Variants in ZNF232 observed in about 807,000 individuals in gnomAD.
ZNF232 encodes the protein zinc finger protein 232.
In ZNF232, 25 loss-of-function variants were observed where a neutral mutation model predicts 25.2. That is an observed-to-expected ratio of 0.99 (90% CI 0.72 to 1.39). The LOEUF (loss-of-function observed/expected upper bound fraction) is 1.39. Among genes scored for constraint, ZNF232 ranks in the 40% most tolerant of loss-of-function variants. The probability of loss-of-function intolerance (pLI) is 0.00; values close to 1 mark genes in which losing one functional copy is unlikely to be tolerated. For synonymous variants in ZNF232, 193 were observed against 182.9 expected (o/e 1.06, Z -0.45); for missense variants, 519 against 520.9 (o/e 1.00, Z 0.04).
At chr17:5,111,920 C>A, upstream of ZNF232, 1 of 1,517,520 alleles carries the variant, frequency 6.6e-7, no homozygotes, top group Non-Finnish European at 8.9e-7. Flanking sequence ...TCCCAGAATC[C>A]TCCTCGCCGC....
At chr17:5,117,515 C>CA (rs59282298) in intron 1 of ZNF232, among the ~76,000 whole-genome samples, 5,085 of 61,554 alleles carry the variant, frequency 0.083, 172 homozygotes, top group African/African-American at 0.15. Flanking sequence ...GACTCCGTCT[C>CA]AAAAAAAAAA....
At chr17:5,106,142 A>C in exon 4 of ZNF232, 1 of 1,614,158 alleles carries the variant, frequency 6.2e-7, no homozygotes, top group Non-Finnish European at 8.5e-7. Flanking sequence ...TCTGTTTGAA[A>C]GTTTTCCCAC....
At chr17:5,109,673 G>A in exon 2 of ZNF232, 4 of 1,614,156 alleles carry the variant, frequency 2.5e-6, no homozygotes, top group Non-Finnish European at 3.4e-6. Context: ...TCTCTTGACT[G>A]GTAGAGTGGT....
At chr17:5,116,314 G>C (rs914519218), upstream of ZNF232, 2 of 153,914 alleles carry the variant, frequency 1.3e-5, no homozygotes, top group South Asian at 4.1e-4. Flanking sequence ...CCCCGCTCCC[G>C]GCGGCCCGCC....
intron 2 of ZNF232, 64 bp downstream of exon 2, chr17:5,109,330 C>T (rs778678510): frequency 6.3e-7 from 1 of 1,587,358 alleles, no homozygotes; most frequent in Non-Finnish European, 8.6e-7. Context: ...CCTACAGCTG[C>T]CCCTCGGTCC....
chr17:5,112,170 G>A, upstream of ZNF232: 1 of 391,006 alleles, frequency 2.6e-6, no homozygotes, highest in Non-Finnish European at 4.6e-6. Context: ...AATTGTACCT[G>A]AAGGGCGGTG....
Position 5,106,075 on chromosome 17 carries a change from TA to T in ZNF232, c.1056del (p.Cys352Ter). On this transcript the variant is annotated frameshift_variant, in exon 4 of 4. Coordinates refer to ENST00000575898, the Ensembl canonical transcript of ZNF232. LOFTEE classifies it low-confidence loss of function (END_TRUNC). ...CATCTGAAGGCCTTCCCACATTCAT[TA>T]CATTCGAAGGGTTTCTCTCCTGTAT... The T allele has an allele frequency of 6.2e-7, 1 of 1,614,234 alleles. No individual in the cohort carries two copies. The highest frequency in any genetic ancestry group is 8.5e-7 in the Non-Finnish European group (1 of 1,180,040).
intron 3 of ZNF232, 134 bp downstream of exon 3, chr17:5,108,792 G>A (rs1567756718): frequency 2.1e-6 from 3 of 1,398,448 alleles, no homozygotes; most frequent in South Asian, 1.3e-5. Flanking sequence ...TCACCTAAGA[G>A]ATAAGAATAG....
At chr17:5,110,497 T>C (rs1426232267) in intron 1 of ZNF232, among the ~76,000 whole-genome samples, 2 of 152,224 alleles carry the variant, frequency 1.3e-5, no homozygotes, top group Non-Finnish European at 1.5e-5. Flanking sequence ...AGTTTCCAGA[T>C]GCAGAGCCCA....
At chr17:5,107,170 C>T (rs1271073421) in intron 3 of ZNF232, among the ~76,000 whole-genome samples, 2 of 151,618 alleles carry the variant, frequency 1.3e-5, no homozygotes, top group Non-Finnish European at 2.9e-5. Flanking sequence ...GGGTGGATCA[C>T]GAGGTCAGGA....
chr17:5,116,224 G>A (rs1199627084), upstream of ZNF232, among the ~76,000 whole-genome samples: 1 of 138,658 alleles, frequency 7.2e-6, no homozygotes, highest in Non-Finnish European at 1.7e-5. Flanking sequence ...GACGCTCATT[G>A]AGAGGACTTC....
chr17:5,116,244 G>A (rs2072534082), upstream of ZNF232, among the ~76,000 whole-genome samples: 1 of 137,262 alleles, frequency 7.3e-6, no homozygotes. Context: ...CCCGCCTGCG[G>A]GCTCTCTGCT....
At chr17:5,107,090 A>G (rs903644556) in intron 3 of ZNF232, among the ~76,000 whole-genome samples, 3 of 151,696 alleles carry the variant, frequency 2.0e-5, no homozygotes, top group Admixed American at 6.6e-5. Context: ...TTCCTTAAAA[A>G]GGGAAAAAGA....
At chr17:5,106,558 T>TAA in intron 3 of ZNF232, 25 bp from the exon 4 acceptor site, 1 of 1,537,658 alleles carries the variant, frequency 6.5e-7, no homozygotes, top group Non-Finnish European at 8.8e-7. Flanking sequence ...AAATGACACT[T>TAA]AGATTAAAAT....
chr17:5,106,198 G>A (rs1377190124), exon 4 of ZNF232: 1 of 1,614,080 alleles, frequency 6.2e-7, no homozygotes, highest in Non-Finnish European at 8.5e-7. Context: ...ACTCTCTGGT[G>A]GACAACAAGA....
At chr17:5,110,293 C>T (rs2072370805) in intron 1 of ZNF232, among the ~76,000 whole-genome samples, 1 of 152,194 alleles carries the variant, frequency 6.6e-6, no homozygotes, top group Admixed American at 6.5e-5. Flanking sequence ...TTCCACCCCT[C>T]CCCAGAATTC....
chr17:5,108,744 A>T, intron 3 of ZNF232, 182 bp downstream of exon 3: 1 of 892,288 alleles, frequency 1.1e-6, no homozygotes. Context: ...GTTTATTCTT[A>T]CTCCTAATTT....
At chr17:5,115,318 G>C (rs148595807), upstream of ZNF232, among the ~76,000 whole-genome samples, 11 of 152,054 alleles carry the variant, frequency 7.2e-5, no homozygotes, top group Non-Finnish European at 1.5e-4. Flanking sequence ...TTGCGAGGCC[G>C]AGGCCAGTGG....
intron 1 of ZNF232, chr17:5,120,643 G>C (rs1050150407): frequency 3.9e-5 from 15 of 382,200 alleles, no homozygotes; most frequent in African/African-American, 2.7e-4. Flanking sequence ...AAGGCCCTTT[G>C]AGGTCAGGTG....
Sources: gnomAD v4.1 joint callset for allele counts (sites outside exome capture counted in the v4.1 genomes callset) on GRCh38, gnomAD v4.1.1 for gene constraint, MANE v1.5 for transcripts, NCBI Gene and HGNC (gene_info 2026-07-23, HGNC 2026-07-21) for gene names.